SPMIP6: variants seen among roughly 807,000 people sequenced by gnomAD.
SPMIP6 encodes ciliated bronchial epithelial protein 1.
the SPMIP6 span, chr9:34,382,736 G>T: frequency 1.3e-6 from 2 of 1,552,728 alleles, no homozygotes; most frequent in Non-Finnish European, 1.8e-6. Flanking sequence ...AGACGTCTGT[G>T]CTGGGTGCAA....
At chr9:34,393,749 T>A in the SPMIP6 span, among the ~76,000 whole-genome samples, 4 of 152,192 alleles carry the variant, frequency 2.6e-5, no homozygotes, top group Non-Finnish European at 5.9e-5. Flanking sequence ...TCATTTAATG[T>A]TTCTTTCATA....
chr9:34,389,572 G>A, the SPMIP6 span, among the ~76,000 whole-genome samples: 28 of 152,210 alleles, frequency 1.8e-4, no homozygotes, highest in African/African-American at 6.3e-4. Context: ...TAGAGATGAG[G>A]TTTCACCATA....
the SPMIP6 span, chr9:34,381,721 C>G: frequency 7.4e-7 from 1 of 1,345,216 alleles, no homozygotes; most frequent in East Asian, 2.8e-5. This position sits in a 1 kb window ranked among gnomAD's most constrained non-coding sequence, Gnocchi z 4.4. Flanking sequence ...TGATTTTACC[C>G]CTCTTTGTCT....
At chr9:34,385,595 G>A in the SPMIP6 span, 1 of 1,560,826 alleles carries the variant, frequency 6.4e-7, no homozygotes, top group Non-Finnish European at 8.8e-7. Context: ...TTGGGTTCAG[G>A]TTGGGGGTCA....
At chr9:34,392,442 CGTGTGTGT>C in the SPMIP6 span, among the ~76,000 whole-genome samples, 18,984 of 148,164 alleles carry the variant, frequency 0.13, 1,456 homozygotes, top group Non-Finnish European at 0.17. The surrounding 1 kb of genome is among the most constrained non-coding windows in gnomAD (Gnocchi z 4.6). Flanking sequence ...ATCTAAAAAC[CGTGTGTGT>C]GTGTGTGTGT....
At chr9:34,385,718 C>T in the SPMIP6 span, 1 of 1,613,736 alleles carries the variant, frequency 6.2e-7, no homozygotes, top group Non-Finnish European at 8.5e-7. Context: ...TCCTGTACAG[C>T]ACATTTGGCC....
the SPMIP6 span, among the ~76,000 whole-genome samples, chr9:34,384,042 A>G: frequency 3.9e-5 from 6 of 152,166 alleles, no homozygotes; most frequent in Admixed American, 3.9e-4. Context: ...ATGATCCAAC[A>G]GTCTGAAAGA....
the SPMIP6 span, chr9:34,385,765 A>C: frequency 6.2e-7 from 1 of 1,613,570 alleles, no homozygotes; most frequent in Non-Finnish European, 8.5e-7. Flanking sequence ...ATGTCGCTCC[A>C]TGGTATGAGT....
At chr9:34,381,388 C>G in the SPMIP6 span, 36 of 1,614,060 alleles carry the variant, frequency 2.2e-5, 1 homozygote, top group Middle Eastern at 6.6e-4. This position sits in a 1 kb window ranked among gnomAD's most constrained non-coding sequence, Gnocchi z 4.4. Context: ...TGAGCCGCTC[C>G]GGCCTAGGAG....
chr9:34,388,233 C>T, the SPMIP6 span, among the ~76,000 whole-genome samples: 5 of 151,390 alleles, frequency 3.3e-5, no homozygotes, highest in African/African-American at 9.7e-5. Flanking sequence ...CTCTGCCTCC[C>T]GGGTTCAAGT....
chr9:34,379,716 C>T, the SPMIP6 span: 1 of 1,613,988 alleles, frequency 6.2e-7, no homozygotes, highest in Non-Finnish European at 8.5e-7. The surrounding 1 kb of genome is among the most constrained non-coding windows in gnomAD (Gnocchi z 4.2). Context: ...GGCCGGTGCT[C>T]GTAGGGAGGT....
chr9:34,379,424 T>A, the SPMIP6 span, among the ~76,000 whole-genome samples: 1 of 152,232 alleles, frequency 6.6e-6, no homozygotes, highest in African/African-American at 2.4e-5. The surrounding 1 kb of genome is among the most constrained non-coding windows in gnomAD (Gnocchi z 4.2). Context: ...GTAAGCCCAC[T>A]GCCAACCTGT....
the SPMIP6 span, among the ~76,000 whole-genome samples, chr9:34,393,239 T>C: frequency 1.3e-5 from 2 of 152,222 alleles, no homozygotes; most frequent in Non-Finnish European, 2.9e-5. Flanking sequence ...TTTTAGTTCT[T>C]CCTTTAAATA....
the SPMIP6 span, among the ~76,000 whole-genome samples, chr9:34,390,611 G>A: frequency 4.6e-5 from 7 of 151,826 alleles, no homozygotes; most frequent in South Asian, 2.1e-4. Flanking sequence ...TACCGGATAC[G>A]GTTTTCTAAT....
At chr9:34,396,801 T>C in the SPMIP6 span, among the ~76,000 whole-genome samples, 2 of 152,238 alleles carry the variant, frequency 1.3e-5, no homozygotes, top group African/African-American at 2.4e-5. Flanking sequence ...AACTCTACTT[T>C]GTTCACTTGT....
At chr9:34,379,809 G>A in the SPMIP6 span, 2 of 1,198,350 alleles carry the variant, frequency 1.7e-6, no homozygotes, top group African/African-American at 1.5e-5. This position sits in a 1 kb window ranked among gnomAD's most constrained non-coding sequence, Gnocchi z 4.2. Context: ...CCAAGCCCCT[G>A]GGCGGCGCTT....
At chr9:34,392,864 G>C in the SPMIP6 span, among the ~76,000 whole-genome samples, 2 of 152,150 alleles carry the variant, frequency 1.3e-5, no homozygotes, top group Non-Finnish European at 2.9e-5. The surrounding 1 kb of genome is among the most constrained non-coding windows in gnomAD (Gnocchi z 4.6). Context: ...CATACACCTG[G>C]CCCAGGACCC....
At chr9:34,397,421 C>A in the SPMIP6 span, 2 of 1,465,770 alleles carry the variant, frequency 1.4e-6, no homozygotes, top group Non-Finnish European at 1.9e-6. Context: ...AGCTACAAAT[C>A]ATTACAAACA....
At chr9:34,393,492 C>G in the SPMIP6 span, among the ~76,000 whole-genome samples, 1 of 152,106 alleles carries the variant, frequency 6.6e-6, no homozygotes, top group South Asian at 2.1e-4. Flanking sequence ...AAGGATGACA[C>G]TTCGAGAATT....
Sources: gnomAD v4.1 joint callset for allele counts (sites outside exome capture counted in the v4.1 genomes callset) on GRCh38, gnomAD v4.1.1 for gene constraint, Gnocchi (gnomAD v3.1) non-coding constraint, MANE v1.5 for transcripts, NCBI Gene and HGNC (gene_info 2026-07-23, HGNC 2026-07-21) for gene names.